PSD3: variants seen among roughly 807,000 people sequenced by gnomAD.
PSD3 encodes the protein PH and SEC7 domain-containing protein 3.
A neutral mutation model predicts 105.5 loss-of-function variants in PSD3; 49 were observed. The observed-to-expected ratio is 0.46, with a 90% CI of 0.37 to 0.59. PSD3 has a LOEUF of 0.59. PSD3 is among the 20% of genes least tolerant of loss of function. The pLI, the probability that PSD3 is intolerant of heterozygous loss-of-function variation, is 0.00. For synonymous variants in PSD3, 557 were observed against 457.8 expected, an observed-to-expected ratio of 1.22 and a Z score of -2.77; for missense variants, 1,561 against 1,263.8, an observed-to-expected ratio of 1.24 and a Z score of -3.57.
At chr8:18,731,892 T>C (rs561645451) in intron 9 of PSD3, among the ~76,000 whole-genome samples, 1 of 152,324 alleles carries the variant, frequency 6.6e-6, no homozygotes, top group Non-Finnish European at 1.5e-5. Flanking sequence ...TCTGCTTTGT[T>C]TTCTGCCCAT....
At chr8:18,836,410 A>G (rs988868636) in intron 4 of PSD3, among the ~76,000 whole-genome samples, 1 of 152,220 alleles carries the variant, frequency 6.6e-6, no homozygotes, top group African/African-American at 2.4e-5. Context: ...ACTTATGTGG[A>G]TTTTATTTAT....
At chr8:18,785,451 A>C (rs983283386) in intron 8 of PSD3, among the ~76,000 whole-genome samples, 2 of 152,150 alleles carry the variant, frequency 1.3e-5, no homozygotes, top group African/African-American at 2.4e-5. Flanking sequence ...CCTTCATAGA[A>C]TTGAAGAGAC....
intron 2 of PSD3, among the ~76,000 whole-genome samples, chr8:18,902,922 T>C (rs1007365883): frequency 2.3e-4 from 35 of 152,202 alleles, no homozygotes; most frequent in African/African-American, 8.0e-4. Context: ...GGGATTTCTC[T>C]AGGTGTCAGG....
intron 8 of PSD3, chr8:18,774,539 A>T (rs1215929899): frequency 3.9e-6 from 1 of 258,282 alleles, no homozygotes; most frequent in Non-Finnish European, 7.6e-6. Flanking sequence ...ATTTTGACTC[A>T]GCAATGTTCA....
chr8:18,538,992 C>A (rs532985499), intron 15 of PSD3, among the ~76,000 whole-genome samples: 2 of 152,086 alleles, frequency 1.3e-5, no homozygotes, highest in African/African-American at 4.8e-5. Context: ...TTGCAAACGC[C>A]GTGCCCCATT....
chr8:18,846,762 C>T (rs554428706), intron 4 of PSD3, among the ~76,000 whole-genome samples: 10 of 152,304 alleles, frequency 6.6e-5, no homozygotes, highest in African/African-American at 2.4e-4. Context: ...CCTTTGCCCT[C>T]ACTTGCCACA....
At chr8:18,631,967 A>G (rs116508598) in intron 11 of PSD3, among the ~76,000 whole-genome samples, 20 of 152,130 alleles carry the variant, frequency 1.3e-4, no homozygotes, top group African/African-American at 4.1e-4. Flanking sequence ...AGATTATTCT[A>G]ACTATATAAG....
At chr8:18,926,627 A>G (rs1821380307) in intron 2 of PSD3, among the ~76,000 whole-genome samples, 1 of 152,204 alleles carries the variant, frequency 6.6e-6, no homozygotes, top group South Asian at 2.1e-4. Context: ...ACAGAGAATA[A>G]CAAGTGTTGG....
At chr8:18,540,223 A>G (rs1007972083) in intron 15 of PSD3, among the ~76,000 whole-genome samples, 1 of 152,238 alleles carries the variant, frequency 6.6e-6, no homozygotes, top group Non-Finnish European at 1.5e-5. Context: ...TTTTAAAATT[A>G]AGGTACATAC....
chr8:18,735,829 A>C (rs1804107623), intron 9 of PSD3, among the ~76,000 whole-genome samples: 1 of 152,190 alleles, frequency 6.6e-6, no homozygotes, highest in Non-Finnish European at 1.5e-5. Flanking sequence ...TTTTCTGTTT[A>C]AGTCAACTAA....
intron 8 of PSD3, among the ~76,000 whole-genome samples, chr8:18,769,946 T>C (rs977409099): frequency 4.6e-5 from 7 of 152,248 alleles, no homozygotes; most frequent in Non-Finnish European, 8.8e-5. Context: ...TAAATATTCA[T>C]GTATAAGTTT....
chr8:18,625,721 T>G (rs1806427631), intron 11 of PSD3, among the ~76,000 whole-genome samples: 4 of 152,216 alleles, frequency 2.6e-5, no homozygotes, highest in Non-Finnish European at 4.4e-5. Context: ...CCAGATACAC[T>G]GCTATTCTAT....
chr8:18,682,894 C>T (rs1337420968), intron 9 of PSD3, among the ~76,000 whole-genome samples: 1 of 151,954 alleles, frequency 6.6e-6, no homozygotes, highest in African/African-American at 2.4e-5. Flanking sequence ...CACTGAGATC[C>T]ACCTCCTGAC....
intron 14 of PSD3, 55 bp downstream of exon 14, chr8:18,572,473 A>G: frequency 1.3e-6 from 2 of 1,574,184 alleles, no homozygotes; most frequent in Non-Finnish European, 1.7e-6. Flanking sequence ...AATATTTATC[A>G]CATTATTTTA....
chr8:19,069,569 C>T (rs553161119), intron 1 of PSD3, among the ~76,000 whole-genome samples: 13 of 152,284 alleles, frequency 8.5e-5, no homozygotes, highest in Non-Finnish European at 4.4e-5. Context: ...ATACTTGAAA[C>T]GGTGTTGAAA....
intron 1 of PSD3, among the ~76,000 whole-genome samples, chr8:18,963,229 T>G (rs1332048343): frequency 6.6e-6 from 1 of 152,162 alleles, no homozygotes; most frequent in East Asian, 1.9e-4. Context: ...AGGTCCCTCC[T>G]ACAACACATG....
chr8:18,826,973 C>T (rs1439169587), intron 4 of PSD3, among the ~76,000 whole-genome samples: 2 of 152,084 alleles, frequency 1.3e-5, no homozygotes, highest in South Asian at 2.1e-4. Context: ...TCAGCTCATA[C>T]CAAAGTGATA....
chr8:18,881,540 G>A (rs557312034), intron 2 of PSD3, among the ~76,000 whole-genome samples: 3 of 152,168 alleles, frequency 2.0e-5, no homozygotes, highest in African/African-American at 7.2e-5. Context: ...CCGTAGACTC[G>A]GTCACTGTAA....
At chr8:18,877,854 T>C (rs566773772) in intron 2 of PSD3, among the ~76,000 whole-genome samples, 31 of 152,198 alleles carry the variant, frequency 2.0e-4, no homozygotes, top group Non-Finnish European at 2.8e-4. Context: ...TGCCTATCTT[T>C]ATGCCAGAAT....
Sources: gnomAD v4.1 joint callset for allele counts (sites outside exome capture counted in the v4.1 genomes callset) on GRCh38, gnomAD v4.1.1 for gene constraint, MANE v1.5 for transcripts, NCBI Gene and HGNC (gene_info 2026-07-23, HGNC 2026-07-21) for gene names.